The following SYT14 variants were observed in gnomAD, a reference collection of about 807,000 sequenced individuals.
The protein encoded by SYT14 is synaptotagmin-14.
SYT14 carries 32 observed loss-of-function variants against 74.2 expected under a neutral mutation model. The observed-to-expected ratio is 0.43, with a 90% confidence interval of 0.33 to 0.58. The LOEUF (loss-of-function observed/expected upper bound fraction) is 0.58. Among genes scored for constraint, SYT14 ranks in the 20% least tolerant of loss-of-function variants. SYT14 has a pLI of 0.05. For missense variants in SYT14, 791 were observed against 981.8 expected (o/e 0.81, Z 2.60); for synonymous variants, 298 against 337.7 (o/e 0.88, Z 1.29).
chr1:210,100,986 C>T (rs2082054601), intron 7 of SYT14, among the ~76,000 whole-genome samples: 1 of 152,114 alleles, frequency 6.6e-6, no homozygotes, highest in Admixed American at 6.5e-5. Context: ...AGACTTTCCA[C>T]CCTTTTTAAA....
At chr1:210,124,030 T>C (rs933585547) in intron 7 of SYT14, among the ~76,000 whole-genome samples, 7 of 152,080 alleles carry the variant, frequency 4.6e-5, no homozygotes, top group African/African-American at 9.7e-5. Context: ...AGTACGAGGA[T>C]TGGCAAACTA....
At chr1:209,984,956 T>TCAGTACCTAAACACCTCCCA (rs2079546497) in intron 2 of SYT14, among the ~76,000 whole-genome samples, 1 of 152,142 alleles carries the variant, frequency 6.6e-6, no homozygotes, top group Non-Finnish European at 1.5e-5. Context: ...AATTCTGCCC[T>TCAGTACCTAAACACCTCCCA]CAGTACCTAA....
chr1:210,094,749 C>T (rs2081939692), intron 6 of SYT14, among the ~76,000 whole-genome samples, 156 bp downstream of exon 5: 1 of 152,100 alleles, frequency 6.6e-6, no homozygotes, highest in African/African-American at 2.4e-5. Flanking sequence ...ATCCAACAAA[C>T]TTATCAGGAA....
intron 7 of SYT14, among the ~76,000 whole-genome samples, chr1:210,107,316 T>C (rs1468808878): frequency 1.3e-5 from 2 of 152,210 alleles, no homozygotes; most frequent in African/African-American, 2.4e-5. Flanking sequence ...TAGGGAATTA[T>C]CTATTGACAA....
intron 2 of SYT14, among the ~76,000 whole-genome samples, chr1:209,997,177 A>C (rs1010744491): frequency 7.9e-5 from 12 of 152,100 alleles, no homozygotes; most frequent in African/African-American, 2.7e-4. Flanking sequence ...AAAAAAGTCA[A>C]ATGGCTTCTT....
intron 5 of SYT14, among the ~76,000 whole-genome samples, chr1:210,037,192 C>G (rs907107159): frequency 6.6e-6 from 1 of 151,912 alleles, no homozygotes; most frequent in African/African-American, 2.4e-5. Context: ...TATCCATTTC[C>G]TCTAGGTTTT....
chr1:209,984,334 C>T (rs2079537337), intron 2 of SYT14, among the ~76,000 whole-genome samples: 1 of 152,186 alleles, frequency 6.6e-6, no homozygotes, highest in Admixed American at 6.5e-5. Flanking sequence ...TCTCTCCCTT[C>T]AGCAAGCACA....
chr1:209,971,482 C>T (rs763400122), intron 2 of SYT14, among the ~76,000 whole-genome samples: 2 of 152,112 alleles, frequency 1.3e-5, no homozygotes, highest in Non-Finnish European at 2.9e-5. Flanking sequence ...GGGAATTGTT[C>T]CAGCTTTTGT....
At chr1:210,058,574 C>T (rs1351655762) in intron 5 of SYT14, among the ~76,000 whole-genome samples, 4 of 152,194 alleles carry the variant, frequency 2.6e-5, no homozygotes, top group African/African-American at 7.2e-5. Flanking sequence ...CTGCCCTCCT[C>T]TTGGTAGTTC....
intron 2 of SYT14, among the ~76,000 whole-genome samples, chr1:209,973,168 T>C (rs1292169476): frequency 6.6e-6 from 1 of 152,016 alleles, no homozygotes; most frequent in East Asian, 1.9e-4. Context: ...CGACTCCAGC[T>C]CTTTTTTTTT....
intron 7 of SYT14, among the ~76,000 whole-genome samples, chr1:210,131,173 G>A (rs902189345): frequency 6.6e-6 from 1 of 152,140 alleles, no homozygotes; most frequent in Non-Finnish European, 1.5e-5. Flanking sequence ...TAATAGTTGT[G>A]TTAATATTAT....
rs112213120 is a variant in SYT14 at position 210,141,412 on chromosome 1, A to G, written c.2035-14309A>G. Among the ~76,000 whole-genome samples, 1,131 of 152,282 alleles carry G rather than the reference A, an allele frequency of 7.4e-3. 4 individuals are homozygous for G. The highest frequency in any genetic ancestry group is 0.017 in the Middle Eastern group (5 of 294). The stretch of plus-strand genomic sequence containing the variant: ...TCCTGAAGCTTTGCTGAGCATATTC[A>G]TTAGTTCTAGTAGTTATTTTCTTCA... On this transcript the variant is annotated intron_variant, in intron 7 of 9. Transcript: ENST00000637265.
intron 7 of SYT14, among the ~76,000 whole-genome samples, chr1:210,104,814 G>T (rs989447473): frequency 2.0e-5 from 3 of 152,052 alleles, no homozygotes; most frequent in African/African-American, 2.4e-5. Context: ...CTTCAGAGTG[G>T]CTAGCAATAA....
Position 209,981,643 on chromosome 1 carries a change from A to T in SYT14, c.-486+28887A>T, listed in dbSNP as rs187560412. ...TTTTTAATTTTTAGTTTTTGGAGAG[A>T]TGACGTCTTGCTATGTTTTTCATGC... is the stretch of plus-strand genomic sequence containing the variant. On this transcript the variant is annotated intron_variant, in intron 2 of 9. Coordinates refer to ENST00000637265, the Ensembl canonical transcript of SYT14. Among the ~76,000 whole-genome samples, 10 of 151,118 alleles carry T rather than the reference A, an allele frequency of 6.6e-5. No homozygotes were observed. The East Asian group carries it at 1.6e-3, about 23-fold the overall frequency.
At chr1:209,946,572 T>C (rs2078826577) in intron 1 of SYT14, among the ~76,000 whole-genome samples, 2 of 152,244 alleles carry the variant, frequency 1.3e-5, no homozygotes, top group South Asian at 2.1e-4. Context: ...GTGAAGAAGC[T>C]GCAGAAGAAA....
chr1:210,154,332 T>A (rs2083227063), intron 7 of SYT14, among the ~76,000 whole-genome samples: 1 of 152,180 alleles, frequency 6.6e-6, no homozygotes, highest in Admixed American at 6.5e-5. Context: ...AGCAGTGGGC[T>A]AGCGAACATT....
At chr1:209,985,630 G>A (rs574703849) in intron 2 of SYT14, among the ~76,000 whole-genome samples, 5 of 152,348 alleles carry the variant, frequency 3.3e-5, no homozygotes, top group African/African-American at 9.6e-5. Context: ...GACTCTGTGT[G>A]GGGCCTCCAT....
chr1:209,966,331 G>C (rs181119381), intron 2 of SYT14, among the ~76,000 whole-genome samples: 2 of 152,246 alleles, frequency 1.3e-5, no homozygotes, highest in East Asian at 3.9e-4. Flanking sequence ...TTGCACATCT[G>C]TGTGAATTTT....
chr1:210,099,979 A>T, intron 6 of SYT14, 33 bp from the exon 6 acceptor site: 1 of 1,588,474 alleles, frequency 6.3e-7, no homozygotes, highest in Non-Finnish European at 8.6e-7. Context: ...TAATTGAGTT[A>T]AAAACTCTAA....
Sources: allele counts gnomAD v4.1 joint callset (sites outside exome capture counted in the v4.1 genomes callset), GRCh38; gene constraint gnomAD v4.1.1; transcripts MANE v1.5; gene names NCBI Gene and HGNC (gene_info 2026-07-23, HGNC 2026-07-21).